The following WNK1 variants were observed in gnomAD, a reference collection of about 807,000 sequenced individuals.
WNK1 encodes the protein serine/threonine-protein kinase WNK1.
WNK1 carries 38 observed loss-of-function variants against 222.8 expected under a neutral mutation model. That is an observed-to-expected ratio of 0.17 (90% confidence interval 0.13 to 0.22). The LOEUF (loss-of-function observed/expected upper bound fraction) is 0.22, where lower values mean the gene tolerates loss of function less well. WNK1 is among the 10% of genes least tolerant of loss of function. The pLI is 1.00. For synonymous variants in WNK1, 1,090 were observed against 1,092.9 expected (o/e 1.00, Z 0.05); for missense variants, 2,348 against 2,918.4 (o/e 0.80, Z 4.50).
At chr12:801,271 A>G (rs1361889149) in intron 1 of WNK1, among the ~76,000 whole-genome samples, 1 of 152,202 alleles carries the variant, frequency 6.6e-6, no homozygotes. Flanking sequence ...TCACCTTTCA[A>G]TATGGAGGGA....
chr12:820,466 GTTTTTTTTTTTTTTTT>G (rs3072715), intron 2 of WNK1, among the ~76,000 whole-genome samples: 1 of 89,156 alleles, frequency 1.1e-5, no homozygotes, highest in East Asian at 3.3e-4. Context: ...ATTCTTTGGG[GTTTTTTTTTTTTTTTT>G]TTTTTTTTAA....
At chr12:785,146 T>A (rs564430945) in intron 1 of WNK1, among the ~76,000 whole-genome samples, 99 of 152,288 alleles carry the variant, frequency 6.5e-4, no homozygotes, top group African/African-American at 2.4e-3. Flanking sequence ...ACCTATTGTT[T>A]TTTTCCTCTG....
intron 1 of WNK1, among the ~76,000 whole-genome samples, chr12:800,150 A>C (rs1166119003): frequency 6.6e-6 from 1 of 152,288 alleles, no homozygotes; most frequent in East Asian, 1.9e-4. Flanking sequence ...TGTCAAAAAA[A>C]AATTTTTTTT....
chr12:883,624 C>A (rs1035358224), intron 16 of WNK1, 56 bp downstream of exon 16: 2 of 1,609,994 alleles, frequency 1.2e-6, no homozygotes, highest in Non-Finnish European at 1.7e-6. Flanking sequence ...TTTCATAGTT[C>A]TAAATTTGCT....
chr12:753,950 G>T lies in WNK1; in HGVS notation c.385G>T (p.Ala129Ser), dbSNP rs752345591. The change falls in exon 1 of 28, where the codon GCC becomes TCC. Residue 129 changes from alanine (A) to serine (S), a missense_variant. Physicochemically the swap from Ala to Ser is moderately conservative, Grantham distance 99. This residue lies in a region of WNK1 where 185 missense variants were observed against 159.2 expected (regional missense o/e 1.16). Transcript: ENST00000315939. This position sits in a 1 kb window ranked among gnomAD's most constrained non-coding sequence, Gnocchi z 5.2. ...CCGGGAAGAGACCGTGACCGCCACC[G>T]CCACTTCCCAGGTAGCCCAGCAGCC... ...PHREETVTAT[A>S]TSQVAQQPPA... The T allele has an allele frequency of 2.5e-6, 4 of 1,603,322 alleles. No homozygotes were observed. Among genetic ancestry groups the T allele is most frequent in the Non-Finnish European group, 3.4e-6 (4 of 1,175,824 alleles).
chr12:847,801 C>CTTTTTTTTTTTTTTTTTT (rs898832948), intron 4 of WNK1, among the ~76,000 whole-genome samples: 1 of 68,642 alleles, frequency 1.5e-5, no homozygotes, highest in Admixed American at 2.1e-4. Flanking sequence ...GATTAATTCT[C>CTTTTTTTTTTTTTTTTTT]TTTTTTTTTT....
intron 8 of WNK1, among the ~76,000 whole-genome samples, chr12:867,243 C>G (rs1951750412): frequency 6.6e-6 from 1 of 152,180 alleles, no homozygotes; most frequent in African/African-American, 2.4e-5. Flanking sequence ...AACTATTAAT[C>G]ATCTAGCTTG....
At chr12:824,740 A>G (rs1052900211) in intron 2 of WNK1, among the ~76,000 whole-genome samples, 3 of 152,302 alleles carry the variant, frequency 2.0e-5, no homozygotes, top group Admixed American at 1.3e-4. Context: ...TAGGATGTTT[A>G]TAAGGAGGAC....
At chr12:793,155 G>C (rs944303933) in intron 1 of WNK1, among the ~76,000 whole-genome samples, 123 of 152,226 alleles carry the variant, frequency 8.1e-4, no homozygotes, top group African/African-American at 2.8e-3. Flanking sequence ...TAATTTTAGA[G>C]AATAACATCT....
intron 20 of WNK1, among the ~76,000 whole-genome samples, chr12:888,819 A>G (rs996190547): frequency 2.0e-5 from 3 of 152,216 alleles, no homozygotes; most frequent in African/African-American, 7.2e-5. Context: ...ATTTTTCACA[A>G]TATATTTTAA....
chr12:782,913 T>C (rs1197788776), intron 1 of WNK1, among the ~76,000 whole-genome samples: 1 of 151,980 alleles, frequency 6.6e-6, no homozygotes, highest in Non-Finnish European at 1.5e-5. Flanking sequence ...TTTTTTTTTT[T>C]CTGAGACAGG....
At chr12:864,872 A>G (rs1023109077) in intron 8 of WNK1, among the ~76,000 whole-genome samples, 1 of 152,098 alleles carries the variant, frequency 6.6e-6, no homozygotes, top group Admixed American at 6.5e-5. Flanking sequence ...ACTGATCATT[A>G]TCATGATCAT....
chr12:903,017 G>GC (rs1955401011), intron 26 of WNK1, among the ~76,000 whole-genome samples: 1 of 152,178 alleles, frequency 6.6e-6, no homozygotes, highest in Non-Finnish European at 1.5e-5. Context: ...AGGCCCTTGG[G>GC]CCTCTTCACG....
chr12:835,834 G>A (rs573457613), intron 4 of WNK1, among the ~76,000 whole-genome samples: 293 of 152,160 alleles, frequency 1.9e-3, no homozygotes, highest in Non-Finnish European at 3.7e-3. Context: ...TGTGCCTGTA[G>A]TTGCAGCTAC....
intron 4 of WNK1, among the ~76,000 whole-genome samples, chr12:852,292 A>G (rs1041921754): frequency 9.2e-5 from 14 of 152,288 alleles, no homozygotes; most frequent in Admixed American, 2.6e-4. Context: ...CGGACTCTCA[A>G]TGTGCTATTA....
chr12:858,885 G>T lies in WNK1; in HGVS notation c.1401-360G>T, dbSNP rs566582747. Among the ~76,000 whole-genome samples, 8 of 152,226 alleles carry T rather than the reference G, an allele frequency of 5.3e-5. No homozygotes were observed. In the East Asian group the frequency reaches 1.4e-3, roughly 26 times the overall value. Reference sequence around the variant, plus strand: ...TTTTGAAGCTTTAATAGAGCCAATTGTGTTAGCCCACCATTACTAGTATAC... The same window carrying T: ...TTTTGAAGCTTTAATAGAGCCAATTTTGTTAGCCCACCATTACTAGTATAC... On this transcript the variant is annotated intron_variant, in intron 5 of 27. Transcript: ENST00000315939.
chr12:890,950 A>G (rs901301938), intron 22 of WNK1, among the ~76,000 whole-genome samples: 3 of 152,228 alleles, frequency 2.0e-5, no homozygotes, highest in African/African-American at 7.2e-5. Context: ...TATATTCTCA[A>G]TTGGCTCTCA....
chr12:764,885 C>G lies in WNK1; in HGVS notation c.759+10561C>G, dbSNP rs183795744. ...GGCTATTTCGCTCTTGCCACCCAGG[C>G]TGGAGTGCAGTGGCGTGATCTTGGC... On this transcript the variant is annotated intron_variant, in intron 1 of 27. Transcript: ENST00000315939. 6.3e-4 allele frequency among the ~76,000 whole-genome samples: 93 copies of G among 147,674 alleles called. 8 individuals are homozygous for G. Among genetic ancestry groups the G allele is most frequent in the Non-Finnish European group, 1.2e-3 (80 of 66,104 alleles).
chr12:786,316 G>A (rs1272883997), intron 1 of WNK1, among the ~76,000 whole-genome samples: 1 of 151,868 alleles, frequency 6.6e-6, no homozygotes, highest in Non-Finnish European at 1.5e-5. Context: ...ATTTAGGCTG[G>A]GTTAAGCATG....
Sources: gnomAD v4.1 joint callset for allele counts (sites outside exome capture counted in the v4.1 genomes callset) on GRCh38, gnomAD v4.1.1 for gene constraint, gnomAD v4.1.1 regional missense constraint, Gnocchi (gnomAD v3.1) non-coding constraint, MANE v1.5 for transcripts, NCBI Gene and HGNC (gene_info 2026-07-23, HGNC 2026-07-21) for gene names.